KAZN: variants seen among roughly 807,000 people sequenced by gnomAD.
KAZN encodes the protein kazrin, periplakin interacting protein, also known as kazrin.
Under a neutral mutation model 87.4 loss-of-function variants are expected in KAZN, and 40 were observed. That is an observed-to-expected ratio of 0.46 (90% CI 0.36 to 0.60). KAZN has a LOEUF of 0.60. Ranked by LOEUF, KAZN falls within the 20% of genes least tolerant of loss-of-function variation. KAZN has a pLI of 0.00. For synonymous variants in KAZN, 466 were observed against 458.3 expected (o/e 1.02, Z -0.22); for missense variants, 898 against 1,073.9 (o/e 0.84, Z 2.29).
intron 1 of KAZN, among the ~76,000 whole-genome samples, chr1:14,810,010 T>A (rs560392515): frequency 6.6e-6 from 1 of 152,162 alleles, no homozygotes; most frequent in African/African-American, 2.4e-5. Context: ...TCTTGTGCAT[T>A]GCAGGTGCAT....
intron 1 of KAZN, among the ~76,000 whole-genome samples, chr1:14,738,335 C>T (rs1260895735): frequency 6.6e-6 from 1 of 152,058 alleles, no homozygotes; most frequent in East Asian, 1.9e-4. Flanking sequence ...TGCTGAAATG[C>T]TTTTGAAGCT....
rs555999509 is a variant in KAZN, at chr1:14,767,126, G to A, written c.226+167903G>A. 4.6e-5 allele frequency among the ~76,000 whole-genome samples: 7 copies of A among 152,194 alleles called. 1 individual carries two copies. Among genetic ancestry groups the A allele is most frequent in the South Asian group, 4.1e-4 (2 of 4,834 alleles). ...TGTTTTCCTTTGGATTTTACAGACC[G>A]TGATGATTGAGGTTGGTTAAGGGTT... On this transcript the variant is annotated intron_variant, in intron 1 of 14. Transcript: ENST00000376030.
chr1:14,562,826 C>T (rs1470390574), intron 2 of KAZN, among the ~76,000 whole-genome samples: 2 of 152,210 alleles, frequency 1.3e-5, no homozygotes, highest in Admixed American at 6.5e-5. Context: ...ATCCACATGG[C>T]AGTGCCTTCC....
chr1:14,524,673 G>A (rs370873841), intron 2 of KAZN, among the ~76,000 whole-genome samples: 31 of 152,222 alleles, frequency 2.0e-4, no homozygotes, highest in African/African-American at 6.5e-4. Context: ...TTCACCGTTC[G>A]ACTCCATAAA....
At chr1:14,229,321 T>C (rs902698827) in intron 2 of KAZN, among the ~76,000 whole-genome samples, 3 of 152,222 alleles carry the variant, frequency 2.0e-5, no homozygotes, top group African/African-American at 4.8e-5. Flanking sequence ...CTATCTGTAT[T>C]ACAAAAGTGT....
intron 2 of KAZN, among the ~76,000 whole-genome samples, chr1:14,240,999 A>G (rs995944034): frequency 1.3e-5 from 2 of 152,238 alleles, no homozygotes; most frequent in Non-Finnish European, 2.9e-5. Flanking sequence ...TCATTGTCTC[A>G]TCTGTAAAGT....
At chr1:14,906,808 G>A (rs1042454887) in intron 1 of KAZN, among the ~76,000 whole-genome samples, 1 of 150,784 alleles carries the variant, frequency 6.6e-6, no homozygotes, top group Admixed American at 6.7e-5. Context: ...CACAGAAGAT[G>A]TGGGTCAAAT....
intron 2 of KAZN, among the ~76,000 whole-genome samples, chr1:14,287,131 G>A (rs917015454): frequency 1.3e-5 from 2 of 152,138 alleles, no homozygotes; most frequent in African/African-American, 2.4e-5. Context: ...AGGAGCCACG[G>A]GTTAGGGAAA....
rs1245245919 is a variant in KAZN, at chr1:14,550,747, CCG to C, written c.250-48234_250-48233del. ...TCTCTCTCTCTCTCTCTCCCCCACC[CCG>C]CCACCCCCTCTCCCCTTCCCCCTAC... On this transcript the variant is annotated intron_variant, in intron 2 of 16. Transcript: ENST00000636203. Among the ~76,000 whole-genome samples the C allele has an allele frequency of 7.2e-3, 659 of 92,106 alleles. 17 individuals are homozygous for C. Among genetic ancestry groups the C allele is most frequent in the South Asian group, 0.019 (29 of 1,504 alleles). The allele number at this position is 92,106 out of a possible 152,430, so 60.4% of individuals were successfully genotyped here. A position where few individuals can be genotyped will look rare whatever the true frequency, so the allele number is the denominator to read the frequency against.
chr1:14,951,200 C>T (rs975838829), intron 1 of KAZN, among the ~76,000 whole-genome samples: 1 of 152,116 alleles, frequency 6.6e-6, no homozygotes, highest in Non-Finnish European at 1.5e-5. Flanking sequence ...GCTATGCCCA[C>T]ACAAGTACAG....
chr1:14,194,970 G>T (rs1646496426), intron 2 of KAZN, among the ~76,000 whole-genome samples: 1 of 152,124 alleles, frequency 6.6e-6, no homozygotes, highest in Admixed American at 6.5e-5. Flanking sequence ...TTTGGTTGGA[G>T]TATTCAAGTA....
intron 1 of KAZN, among the ~76,000 whole-genome samples, chr1:14,623,776 C>T (rs1388957675): frequency 6.6e-6 from 1 of 151,732 alleles, no homozygotes; most frequent in African/African-American, 2.4e-5. Context: ...CTTTTGATAT[C>T]TAATTGACTG....
intron 1 of KAZN, chr1:14,692,328 G>A (rs536879597): frequency 7.7e-5 from 35 of 453,294 alleles, no homozygotes; most frequent in African/African-American, 6.5e-4. Context: ...ACCATCTTCG[G>A]CTCTCATTTT....
At chr1:15,017,168 C>T (rs549333137) in intron 2 of KAZN, among the ~76,000 whole-genome samples, 2 of 151,846 alleles carry the variant, frequency 1.3e-5, no homozygotes, top group Admixed American at 6.6e-5. Flanking sequence ...CTTGGTGGCT[C>T]GCACCTGTAA....
At chr1:14,909,851 G>A (rs904839409) in intron 1 of KAZN, among the ~76,000 whole-genome samples, 6 of 152,044 alleles carry the variant, frequency 3.9e-5, no homozygotes, top group African/African-American at 7.2e-5. Context: ...TCAGGAGTTC[G>A]AGATCAGCGT....
At chr1:13,903,949 A>G (rs1202261005) in intron 1 of KAZN, among the ~76,000 whole-genome samples, 3 of 152,210 alleles carry the variant, frequency 2.0e-5, no homozygotes, top group Non-Finnish European at 4.4e-5. Flanking sequence ...CAGGAGCACC[A>G]GAAGCAACAG....
At chr1:14,704,324 C>A (rs933506279) in intron 1 of KAZN, among the ~76,000 whole-genome samples, 9 of 152,220 alleles carry the variant, frequency 5.9e-5, no homozygotes, top group African/African-American at 1.9e-4. Flanking sequence ...CTAGACCTTC[C>A]ATCATACCAT....
Position 15,056,421 on chromosome 1 carries a change from T to G in KAZN, c.916+141T>G, listed in dbSNP as rs1638283655. On this transcript the variant is annotated intron_variant, in intron 5 of 14. Transcript: ENST00000376030. The surrounding 1 kb of genome is among the most constrained non-coding windows in gnomAD (Gnocchi z 5.4). ...GACAGAGACCTTGGGCTCATGTAAC[T>G]GAAAAATCTAAGAGATGGACAGCAG... is the stretch of plus-strand genomic sequence containing the variant. 1.2e-6 allele frequency: 1 copy of G among 828,202 alleles called. No homozygotes were observed. The allele number at this position is 828,202 out of a possible 1,614,324, so 51.3% of individuals were successfully genotyped here. A position where few individuals can be genotyped will look rare whatever the true frequency, so the allele number is the denominator to read the frequency against.
intron 2 of KAZN, among the ~76,000 whole-genome samples, chr1:14,258,486 C>T (rs1480607756): frequency 1.3e-5 from 2 of 150,878 alleles, no homozygotes; most frequent in Non-Finnish European, 2.9e-5. Context: ...CCACCTGCCT[C>T]GGCCTCCCAA....
Sources: gnomAD v4.1 joint callset for allele counts (sites outside exome capture counted in the v4.1 genomes callset) on GRCh38, gnomAD v4.1.1 for gene constraint, Gnocchi (gnomAD v3.1) non-coding constraint, MANE v1.5 for transcripts, NCBI Gene and HGNC (gene_info 2026-07-23, HGNC 2026-07-21) for gene names.